EXD2: variants seen among roughly 807,000 people sequenced by gnomAD.
EXD2 encodes exonuclease 3'-5' domain containing 2, also known as exonuclease 3'-5' domain-containing protein 2.
In EXD2, 40 loss-of-function variants were observed where a neutral mutation model predicts 62.5. The observed-to-expected ratio is 0.64, with a 90% CI of 0.50 to 0.83. The LOEUF is 0.83. Ranked by LOEUF, EXD2 falls within the 40% of genes least tolerant of loss-of-function variation. The probability of loss-of-function intolerance (pLI) is 0.00; values close to 1 mark genes in which losing one functional copy is unlikely to be tolerated. For synonymous variants in EXD2, 239 were observed against 291.9 expected (o/e 0.82, Z 1.85); for missense variants, 671 against 761.8 (o/e 0.88, Z 1.40).
rs1268106908 is a variant in EXD2 at position 69,243,941 on chromosome 14, A to G, written c.*2841A>G. 2 of 152,168 alleles carry G rather than the reference A, an allele frequency of 1.3e-5. No homozygotes were observed. Among genetic ancestry groups the G allele is most frequent in the African/African-American group, 2.4e-5 (1 of 41,424 alleles). The allele number at this position is 152,168 out of a possible 1,614,324, so 9.4% of individuals were successfully genotyped here. A position where few individuals can be genotyped will look rare whatever the true frequency, so the allele number is the denominator to read the frequency against. On this transcript the variant is annotated 3_prime_UTR_variant, in exon 10 of 10. Transcript: ENST00000685843. ...TTGCCTCATTTCCCCCTTGTAGTCA[A>G]TGTTTTTTGGAAACACTGTTTATTT...
At chr14:69,200,980 A>G (rs1300431682) in intron 1 of EXD2, among the ~76,000 whole-genome samples, 2 of 151,626 alleles carry the variant, frequency 1.3e-5, no homozygotes, top group Non-Finnish European at 2.9e-5. Context: ...AGGCTGAGGC[A>G]GGAGAATTGC....
At chr14:69,225,057 G>A (rs1249628595) in intron 3 of EXD2, among the ~76,000 whole-genome samples, 1 of 152,188 alleles carries the variant, frequency 6.6e-6, no homozygotes, top group Non-Finnish European at 1.5e-5. Context: ...CAGCATCTCT[G>A]ATTTTGTCTC....
intron 1 of EXD2, among the ~76,000 whole-genome samples, chr14:69,198,982 G>A (rs1031440593): frequency 7.2e-5 from 11 of 152,234 alleles, no homozygotes; most frequent in Admixed American, 3.3e-4. Context: ...GGAGGCTCAC[G>A]CCTATAATCC....
intron 2 of EXD2, among the ~76,000 whole-genome samples, chr14:69,204,432 A>G (rs1443674683): frequency 6.6e-6 from 1 of 152,100 alleles, no homozygotes; most frequent in Non-Finnish European, 1.5e-5. Flanking sequence ...TGTGCTGAGC[A>G]TGGTGGCATG....
chr14:69,233,915 C>T (rs960829208), intron 5 of EXD2, among the ~76,000 whole-genome samples: 3 of 151,772 alleles, frequency 2.0e-5, no homozygotes, highest in Admixed American at 6.6e-5. Flanking sequence ...TACAGGCGTC[C>T]ACCACCACAC....
intron 3 of EXD2, among the ~76,000 whole-genome samples, chr14:69,219,223 C>T (rs2140270534): frequency 6.6e-6 from 1 of 152,316 alleles, no homozygotes; most frequent in Non-Finnish European, 1.5e-5. Flanking sequence ...AGGTCCTTCA[C>T]ATCCCTTGTA....
intron 1 of EXD2, among the ~76,000 whole-genome samples, chr14:69,203,168 C>T (rs2042465114): frequency 6.6e-6 from 1 of 152,108 alleles, no homozygotes; most frequent in African/African-American, 2.4e-5. Context: ...AGGTGATTCT[C>T]CCATCTCAGC....
At chr14:69,231,909 TAAAAA>T (rs747438242) in intron 5 of EXD2, among the ~76,000 whole-genome samples, 3 of 60,626 alleles carry the variant, frequency 4.9e-5, no homozygotes, top group Non-Finnish European at 9.5e-5. Context: ...GCATGAGCAG[TAAAAA>T]AAAAAAAAAA....
intron 3 of EXD2, 32 bp downstream of exon 3, chr14:69,209,835 A>C (rs1382564206): frequency 1.9e-5 from 27 of 1,422,592 alleles, no homozygotes; most frequent in Admixed American, 6.1e-5. Context: ...AAAAAAAAAA[A>C]AAAAAAACAA....
chr14:69,194,194 A>G (rs1021207081), intron 1 of EXD2, among the ~76,000 whole-genome samples: 14 of 148,596 alleles, frequency 9.4e-5, no homozygotes, highest in African/African-American at 3.2e-4. Context: ...GCTGGAGTGC[A>G]GTGGCGCGAT....
intron 2 of EXD2, chr14:69,208,853 T>C (rs747362102): frequency 3.9e-5 from 6 of 152,188 alleles, no homozygotes; most frequent in Non-Finnish European, 8.8e-5. Flanking sequence ...CTGCTGAGCC[T>C]TCTGGAGCAA....
chr14:69,209,435 A>T lies in EXD2; in HGVS notation c.-36A>T. On this transcript the variant is annotated 5_prime_UTR_variant, in exon 3 of 10. Coordinates refer to ENST00000685843, the MANE Select transcript of EXD2 (RefSeq NM_001193360.2). ...CATTTGTTTTGCAGATTGTGGGATT[A>T]GTGATATGCTTTTCTAAAGAGTAGA... 7.0e-7 allele frequency: 1 copy of T among 1,433,124 alleles called. No individual in the cohort carries two copies. The highest frequency in any genetic ancestry group is 9.2e-7 in the Non-Finnish European group (1 of 1,081,602). The allele number at this position is 1,433,124 out of a possible 1,614,324, so 88.8% of individuals were successfully genotyped here. A position where few individuals can be genotyped will look rare whatever the true frequency, so the allele number is the denominator to read the frequency against.
At chr14:69,194,781 A>G (rs938494727) in intron 1 of EXD2, among the ~76,000 whole-genome samples, 8 of 152,222 alleles carry the variant, frequency 5.3e-5, no homozygotes, top group African/African-American at 1.9e-4. Context: ...TAATAGGGTA[A>G]ATACTCCATC....
At chr14:69,238,528 C>T (rs2043875807) in intron 9 of EXD2, among the ~76,000 whole-genome samples, 1 of 149,238 alleles carries the variant, frequency 6.7e-6, no homozygotes. Context: ...ATGTAAGTAG[C>T]TTTTATATTT....
At position 69,237,738 on chromosome 14, in the gene EXD2, G is replaced by A. The variant is rs150337966; in HGVS notation, c.1456G>A (p.Gly486Ser). The change falls in exon 9 of 10, where the codon GGC becomes AGC. Residue 486 changes from glycine to serine, a missense_variant. Gly to Ser is a moderately conservative substitution (Grantham distance 56). Transcript: ENST00000685843. Reference sequence around the variant, plus strand: ...GGCCAAGGAGTTCCAGGCCCCCATCGGCTCTGAGGAGGGCTTGCGCCTGCT... The same window carrying A: ...GGCCAAGGAGTTCCAGGCCCCCATCAGCTCTGAGGAGGGCTTGCGCCTGCT... ...QLAKEFQAPIGSEEGLRLLED... is the reference protein window; with the variant it reads ...QLAKEFQAPISSEEGLRLLED... 3.8e-5 allele frequency: 61 copies of A among 1,613,984 alleles called. No homozygotes were observed. The highest frequency in any genetic ancestry group is 3.3e-4 in the Middle Eastern group (2 of 6,062).
chr14:69,233,225 A>T (rs1221747753), intron 5 of EXD2, among the ~76,000 whole-genome samples: 1 of 152,248 alleles, frequency 6.6e-6, no homozygotes, highest in Admixed American at 6.5e-5. Flanking sequence ...AGATATGTAG[A>T]TTGTTGGATC....
rs745891692 is a variant in EXD2 at position 69,237,756 on chromosome 14, C to T, written c.1474C>T (p.Arg492Cys). 17 of 1,613,572 alleles carry T rather than the reference C, an allele frequency of 1.1e-5. No individual in the cohort carries two copies. Among genetic ancestry groups the T allele is most frequent in the East Asian group, 4.5e-5 (2 of 44,874 alleles). ...QAPIGSEEGL[R>C]LLEDPERRQV... ...CCCCATCGGCTCTGAGGAGGGCTTG[C>T]GCCTGCTGGAAGATCCTGAGCGCCG... The change falls in exon 9 of 10, where the codon CGC (arginine) becomes TGC (cysteine). Residue 492 changes from arginine (R) to cysteine (C), a missense_variant. Transcript: ENST00000685843.
At chr14:69,218,077 A>G (rs1367799740) in intron 3 of EXD2, among the ~76,000 whole-genome samples, 1 of 152,204 alleles carries the variant, frequency 6.6e-6, no homozygotes, top group East Asian at 1.9e-4. Context: ...GTCAAATGGT[A>G]TTTCTAATTC....
chr14:69,237,143 T>G (rs2043822601), intron 8 of EXD2, among the ~76,000 whole-genome samples: 1 of 152,266 alleles, frequency 6.6e-6, no homozygotes, highest in Non-Finnish European at 1.5e-5. Flanking sequence ...ATGAACCTGG[T>G]GAACCAGGGA....
Sources: gnomAD v4.1 joint callset for allele counts (sites outside exome capture counted in the v4.1 genomes callset) on GRCh38, gnomAD v4.1.1 for gene constraint, MANE v1.5 for transcripts, NCBI Gene and HGNC (gene_info 2026-07-23, HGNC 2026-07-21) for gene names.